TBC1D5: variants seen among roughly 807,000 people sequenced by gnomAD.
TBC1D5 encodes the protein TBC1 domain family member 5.
A neutral mutation model predicts 100.3 loss-of-function variants in TBC1D5; 75 were observed. That is an observed-to-expected ratio of 0.75 (90% CI 0.62 to 0.91). The LOEUF (loss-of-function observed/expected upper bound fraction) is 0.91, where lower values mean the gene tolerates loss of function less well. TBC1D5 is among the 40% of genes least tolerant of loss of function. The probability of loss-of-function intolerance (pLI) is 0.00; values close to 1 mark genes in which losing one functional copy is unlikely to be tolerated. For synonymous variants in TBC1D5, 323 were observed against 325.6 expected, an observed-to-expected ratio of 0.99 and a Z score of 0.09; for missense variants, 910 against 942.4, an observed-to-expected ratio of 0.97 and a Z score of 0.45.
intron 1 of TBC1D5, among the ~76,000 whole-genome samples, chr3:17,694,987 A>T (rs2071782943): frequency 6.6e-6 from 1 of 152,092 alleles, no homozygotes; most frequent in South Asian, 2.1e-4. Context: ...TTTCATATCC[A>T]GCCAAACTAA....
chr3:17,315,553 A>T (rs1336577063), intron 13 of TBC1D5, among the ~76,000 whole-genome samples: 1 of 152,230 alleles, frequency 6.6e-6, no homozygotes, highest in East Asian at 1.9e-4. Flanking sequence ...TAAAACATGC[A>T]TTTAAAATGC....
In TBC1D5 at chr3:17,351,565, A is replaced by G. The variant is rs9840483; in HGVS notation, c.995+20510T>C. Among the ~76,000 whole-genome samples the G allele has an allele frequency of 9.7e-4, 148 of 152,080 alleles. 1 individual carries two copies. Among genetic ancestry groups the G allele is most frequent in the African/African-American group, 3.3e-3 (138 of 41,502 alleles). On this transcript the variant is annotated intron_variant, in intron 13 of 21. Coordinates refer to ENST00000253692, the Ensembl canonical transcript of TBC1D5. ...GGGCACAGGGAGGGGAACATCATAC[A>G]CCAAGGCCTTTCAGCGGGTGGGGAG...
chr3:17,422,945 G>A (rs554608248), intron 4 of TBC1D5, among the ~76,000 whole-genome samples: 2 of 152,234 alleles, frequency 1.3e-5, no homozygotes, highest in East Asian at 3.9e-4. Flanking sequence ...AATGATTCAA[G>A]AAAATTCAAA....
rs938585081 is a variant in TBC1D5 at position 17,468,178 on chromosome 3, A to G, written c.98-39659T>C. On this transcript the variant is annotated intron_variant, in intron 3 of 21. Coordinates refer to ENST00000253692, the Ensembl canonical transcript of TBC1D5. ...ATCTAGTGTACAGACATTTAGGAAC[A>G]CTAAAAAGACTCTAACATCAATTGA... Among the ~76,000 whole-genome samples the G allele has an allele frequency of 2.0e-5, 3 of 152,348 alleles. No individual in the cohort carries two copies. In the East Asian group the frequency reaches 5.8e-4, roughly 29 times the overall value.
At chr3:17,482,399 T>C (rs925465858) in intron 3 of TBC1D5, among the ~76,000 whole-genome samples, 20 of 152,224 alleles carry the variant, frequency 1.3e-4, no homozygotes, top group Admixed American at 5.2e-4. Flanking sequence ...CTTTTGTGTA[T>C]GCAATTTATC....
chr3:17,504,195 GTGTTGTTTT>G (rs1486087018), intron 3 of TBC1D5, among the ~76,000 whole-genome samples: 4 of 151,152 alleles, frequency 2.6e-5, no homozygotes, highest in Admixed American at 6.6e-5. Flanking sequence ...TACTCAAACT[GTGTTGTTTT>G]ATCAGTTTGA....
At chr3:17,489,729 T>C (rs1035354602) in intron 3 of TBC1D5, among the ~76,000 whole-genome samples, 1 of 152,238 alleles carries the variant, frequency 6.6e-6, no homozygotes, top group Non-Finnish European at 1.5e-5. Flanking sequence ...GGTGAATATG[T>C]ACCACATTTT....
intron 3 of TBC1D5, among the ~76,000 whole-genome samples, chr3:17,473,791 A>G (rs1015685774): frequency 3.3e-5 from 5 of 152,230 alleles, no homozygotes; most frequent in African/African-American, 4.8e-5. Flanking sequence ...AATTTTAGTA[A>G]TAACATGAAA....
At chr3:17,455,239 T>TATATTATTGTATATATGTATAC (rs2095035052) in intron 3 of TBC1D5, among the ~76,000 whole-genome samples, 1 of 146,932 alleles carries the variant, frequency 6.8e-6, no homozygotes, top group Non-Finnish European at 1.5e-5. Context: ...ATTGTATACA[T>TATATTATTGTATATATGTATAC]ATATTATTGT....
chr3:17,393,806 C>T (rs1221708407), intron 8 of TBC1D5, among the ~76,000 whole-genome samples: 5 of 152,106 alleles, frequency 3.3e-5, no homozygotes. Flanking sequence ...TTCCTTACAC[C>T]TTATACAAAA....
At chr3:17,275,751 A>C (rs1377985130) in intron 15 of TBC1D5, among the ~76,000 whole-genome samples, 1 of 152,222 alleles carries the variant, frequency 6.6e-6, no homozygotes, top group Non-Finnish European at 1.5e-5. Flanking sequence ...ACATATGGGC[A>C]AAGCCAGTGG....
At chr3:17,342,825 C>T (rs1014006515) in intron 13 of TBC1D5, among the ~76,000 whole-genome samples, 8 of 152,068 alleles carry the variant, frequency 5.3e-5, no homozygotes, top group African/African-American at 7.2e-5. Flanking sequence ...TCTATGTCAA[C>T]AAATATTAAC....
intron 19 of TBC1D5, 77 bp downstream of exon 20, chr3:17,185,032 G>C (rs780366819): frequency 1.5e-6 from 2 of 1,298,758 alleles, no homozygotes; most frequent in Non-Finnish European, 2.2e-6. Flanking sequence ...CTTAGCACAA[G>C]GCCTAGAACA....
intron 14 of TBC1D5, among the ~76,000 whole-genome samples, chr3:17,300,874 C>G (rs1338527224): frequency 6.6e-6 from 1 of 152,086 alleles, no homozygotes; most frequent in East Asian, 1.9e-4. Flanking sequence ...GAGTTCGAGA[C>G]AAGCCTAGCC....
chr3:17,274,729 T>C (rs1453889860), intron 15 of TBC1D5, among the ~76,000 whole-genome samples: 1 of 152,182 alleles, frequency 6.6e-6, no homozygotes, highest in African/African-American at 2.4e-5. Flanking sequence ...TCTGAAATAC[T>C]CTCTATTTTT....
intron 1 of TBC1D5, among the ~76,000 whole-genome samples, chr3:17,661,024 A>C (rs1490045185): frequency 1.3e-5 from 2 of 152,234 alleles, no homozygotes; most frequent in African/African-American, 4.8e-5. Context: ...TTAATAGACA[A>C]ATAAATAACA....
intron 21 of TBC1D5, among the ~76,000 whole-genome samples, chr3:17,162,452 A>G (rs2066156855): frequency 6.6e-6 from 1 of 152,188 alleles, no homozygotes; most frequent in Non-Finnish European, 1.5e-5. Context: ...TGGCTAAATA[A>G]TGGCTCAGGA....
chr3:17,549,157 C>T (rs778926406), intron 2 of TBC1D5, among the ~76,000 whole-genome samples: 2 of 152,030 alleles, frequency 1.3e-5, no homozygotes, highest in African/African-American at 2.4e-5. Context: ...AATATATAGC[C>T]GAGTGTGGTG....
At chr3:17,449,455 C>A (rs1218160671) in intron 3 of TBC1D5, among the ~76,000 whole-genome samples, 5 of 152,178 alleles carry the variant, frequency 3.3e-5, no homozygotes, top group Non-Finnish European at 4.4e-5. Context: ...ATCCCACCCC[C>A]ACAAAGCCCA....
Sources: allele counts gnomAD v4.1 joint callset (sites outside exome capture counted in the v4.1 genomes callset), GRCh38; gene constraint gnomAD v4.1.1; transcripts MANE v1.5; gene names NCBI Gene and HGNC (gene_info 2026-07-23, HGNC 2026-07-21).